Variants in ODAD2 observed in about 807,000 individuals in gnomAD.
ODAD2 encodes the protein outer dynein arm-docking complex subunit 2.
A neutral mutation model predicts 106.8 loss-of-function variants in ODAD2; 89 were observed. That is an observed-to-expected ratio of 0.83 (90% CI 0.70 to 0.99). The LOEUF (loss-of-function observed/expected upper bound fraction) is 0.99, where lower values mean the gene tolerates loss of function less well. Ranked by LOEUF, ODAD2 falls within the 50% of genes least tolerant of loss-of-function variation. The pLI is 0.00. For synonymous variants in ODAD2, 404 were observed against 436.2 expected, an observed-to-expected ratio of 0.93 and a Z score of 0.92; for missense variants, 1,168 against 1,238.5, an observed-to-expected ratio of 0.94 and a Z score of 0.85.
chr10:27,821,008 G>A (rs111440925), intron 19 of ODAD2, among the ~76,000 whole-genome samples: 80 of 152,182 alleles, frequency 5.3e-4, no homozygotes, highest in African/African-American at 1.9e-3. Context: ...TCAAATTCCT[G>A]ATCTTAAGTG....
intron 17 of ODAD2, among the ~76,000 whole-genome samples, chr10:27,885,633 T>TATATATTATATATATTATATATA: frequency 1.5e-5 from 1 of 64,904 alleles, no homozygotes; most frequent in Non-Finnish European, 2.6e-5. Flanking sequence ...ATATATAAAA[T>TATATATTATATATATTATATATA]ATATATTATA....
At chr10:27,872,321 T>C (rs1589876512) in intron 17 of ODAD2, among the ~76,000 whole-genome samples, 1 of 152,022 alleles carries the variant, frequency 6.6e-6, no homozygotes, top group Non-Finnish European at 1.5e-5. Context: ...TTTGACTTCC[T>C]CTTTTCCTAA....
chr10:27,831,041 T>G (rs1302635413), intron 19 of ODAD2, among the ~76,000 whole-genome samples: 5 of 152,074 alleles, frequency 3.3e-5, no homozygotes, highest in South Asian at 2.1e-4. Flanking sequence ...AAAAACACAG[T>G]CCAGCCCTGG....
chr10:27,986,509 C>T (rs939240208), intron 3 of ODAD2, among the ~76,000 whole-genome samples: 3 of 152,132 alleles, frequency 2.0e-5, no homozygotes, highest in Non-Finnish European at 4.4e-5. Flanking sequence ...AGACTTGATA[C>T]CCTCGCCTAA....
intron 6 of ODAD2, 104 bp from the exon 7 acceptor site, chr10:27,981,686 A>T: frequency 1.2e-6 from 1 of 824,280 alleles, no homozygotes; most frequent in Admixed American, 2.9e-5. Context: ...TCATCTCCGA[A>T]GGATCTATAT....
At chr10:27,945,112 G>T in intron 10 of ODAD2, 150 bp from the exon 11 acceptor site, 1 of 843,338 alleles carries the variant, frequency 1.2e-6, no homozygotes, top group Non-Finnish European at 1.8e-6. Context: ...GCATGGAAAA[G>T]CTGTACAGAG....
intron 8 of ODAD2, among the ~76,000 whole-genome samples, chr10:27,969,299 A>G (rs1220461610): frequency 2.0e-5 from 3 of 151,488 alleles, no homozygotes; most frequent in African/African-American, 7.3e-5. Flanking sequence ...GATGCCTTCT[A>G]CTCTAGGTAT....
At chr10:27,992,365 C>T (rs946559610) in intron 2 of ODAD2, among the ~76,000 whole-genome samples, 1 of 152,052 alleles carries the variant, frequency 6.6e-6, no homozygotes, top group African/African-American at 2.4e-5. Flanking sequence ...TGTCAAAATG[C>T]CCTTCTCAGG....
upstream of ODAD2, chr10:27,999,197 C>T (rs1318866660): frequency 1.3e-5 from 2 of 152,348 alleles, no homozygotes; most frequent in South Asian, 2.1e-4. Context: ...GAGTGTGCAC[C>T]CTAACTCACT....
At chr10:27,997,071 C>G (rs1026566558) in intron 1 of ODAD2, among the ~76,000 whole-genome samples, 7 of 152,132 alleles carry the variant, frequency 4.6e-5, no homozygotes, top group African/African-American at 1.7e-4. Flanking sequence ...AGTACTGGAT[C>G]AGATAGGGTG....
At chr10:27,815,479 A>C (rs1354268133) in intron 19 of ODAD2, among the ~76,000 whole-genome samples, 3 of 152,174 alleles carry the variant, frequency 2.0e-5, no homozygotes, top group African/African-American at 7.2e-5. Flanking sequence ...CCTCTGAAAT[A>C]ACCCTCTCAG....
At chr10:27,876,639 C>A (rs1841359868) in intron 17 of ODAD2, among the ~76,000 whole-genome samples, 1 of 152,210 alleles carries the variant, frequency 6.6e-6, no homozygotes, top group South Asian at 2.1e-4. Context: ...GCAATGAGGT[C>A]TGAGATAACG....
At chr10:27,839,829 G>A (rs1028188414) in intron 19 of ODAD2, among the ~76,000 whole-genome samples, 11 of 152,142 alleles carry the variant, frequency 7.2e-5, no homozygotes, top group South Asian at 2.1e-4. Context: ...GTGAAGGAGC[G>A]TATCTTTTCT....
At chr10:27,857,767 A>G (rs1839761861) in intron 19 of ODAD2, among the ~76,000 whole-genome samples, 1 of 152,224 alleles carries the variant, frequency 6.6e-6, no homozygotes, top group Admixed American at 6.5e-5. Flanking sequence ...GAAATTGTCT[A>G]ACAAAGCAGC....
At chr10:27,897,681 C>T (rs1382236271) in intron 17 of ODAD2, among the ~76,000 whole-genome samples, 41 of 152,080 alleles carry the variant, frequency 2.7e-4, no homozygotes, top group Non-Finnish European at 4.4e-5. Flanking sequence ...TTCAAATGTT[C>T]GTGTTGCCGC....
chr10:27,844,116 T>G (rs894503040), intron 19 of ODAD2, among the ~76,000 whole-genome samples: 1 of 152,126 alleles, frequency 6.6e-6, no homozygotes, highest in African/African-American at 2.4e-5. Context: ...ACAGACCACT[T>G]GACAGGAGTT....
intron 19 of ODAD2, among the ~76,000 whole-genome samples, chr10:27,814,322 C>T (rs547238053): frequency 6.6e-5 from 10 of 152,270 alleles, no homozygotes; most frequent in South Asian, 2.1e-4. Flanking sequence ...CCTCCCAGTG[C>T]GCAGGCCATT....
At chr10:27,949,283 T>C (rs1847161636) in intron 10 of ODAD2, among the ~76,000 whole-genome samples, 1 of 152,178 alleles carries the variant, frequency 6.6e-6, no homozygotes, top group Non-Finnish European at 1.5e-5. Context: ...ATGAAGCTTA[T>C]AATGTAGTGG....
chr10:27,820,619 G>C (rs2132855162), intron 19 of ODAD2, among the ~76,000 whole-genome samples: 1 of 152,048 alleles, frequency 6.6e-6, no homozygotes, highest in Admixed American at 6.5e-5. Flanking sequence ...TTCTTTACCT[G>C]AGTAACTTCT....
Sources: gnomAD v4.1 joint callset for allele counts (sites outside exome capture counted in the v4.1 genomes callset) on GRCh38, gnomAD v4.1.1 for gene constraint, MANE v1.5 for transcripts, NCBI Gene and HGNC (gene_info 2026-07-23, HGNC 2026-07-21) for gene names.